KRT18: variants seen among roughly 807,000 people sequenced by gnomAD.
The protein encoded by KRT18 is keratin, type I cytoskeletal 18.
KRT18 carries 8 observed loss-of-function variants against 39.9 expected under a neutral mutation model. The ratio of observed to expected loss-of-function variants is 0.20; its 90% CI spans 0.12 to 0.36. KRT18 has a LOEUF of 0.36. Among genes scored for constraint, KRT18 ranks in the 10% least tolerant of loss-of-function variants. The pLI, the probability that KRT18 is intolerant of heterozygous loss-of-function variation, is 1.00. For missense variants in KRT18, 396 were observed against 565.7 expected, an observed-to-expected ratio of 0.70 and a Z score of 3.04; for synonymous variants, 194 against 227.8, an observed-to-expected ratio of 0.85 and a Z score of 1.33.
At position 52,950,318 on chromosome 12, in the gene KRT18, A is replaced by G. The variant is rs1695460751; in HGVS notation, c.418-10A>G. 1 of 1,585,268 alleles carries G rather than the reference A, an allele frequency of 6.3e-7. No individual in the cohort carries two copies. Among genetic ancestry groups the G allele is most frequent in the Non-Finnish European group, 8.7e-7 (1 of 1,154,406 alleles). On this transcript the variant is annotated splice_polypyrimidine_tract_variant and intron_variant, in intron 1 of 6. Coordinates refer to ENST00000388835, the MANE Select transcript of KRT18 (RefSeq NM_000224.3). ...ATTCATGGAACAACCTCTCTCTACAATCCCTCCAGATCTTCGCAAATACTG... is the reference window on the plus strand; with the variant it reads ...ATTCATGGAACAACCTCTCTCTACAGTCCCTCCAGATCTTCGCAAATACTG...
upstream of KRT18, chr12:52,949,022 C>G (rs1417446894): frequency 5.8e-6 from 4 of 694,490 alleles, no homozygotes; most frequent in African/African-American, 5.7e-5. Context: ...GCGCGGGCTC[C>G]GAGCCGTCCA....
rs983470021 is a variant in KRT18, at chr12:52,950,542, G to T, written c.500+132G>T. On this transcript the variant is annotated intron_variant, in intron 2 of 6. Coordinates refer to ENST00000388835, the MANE Select transcript of KRT18 (RefSeq NM_000224.3). The stretch of plus-strand genomic sequence containing the variant: ...GGTGGATGAGAGTCAGGGTCCATCA[G>T]TGTATTCATTTAACTGTTCATTTGT... 4.8e-6 allele frequency: 4 copies of T among 836,396 alleles called. No homozygotes were observed. The African/African-American group carries it at 6.7e-5, about 14-fold the overall frequency. The allele number at this position is 836,396 out of a possible 1,614,324, so 51.8% of individuals were successfully genotyped here. A position where few individuals can be genotyped will look rare whatever the true frequency, so the allele number is the denominator to read the frequency against.
At position 52,951,468 on chromosome 12, in the gene KRT18, C is replaced by T; in HGVS notation, c.658-13C>T. On this transcript the variant is annotated splice_polypyrimidine_tract_variant and intron_variant, in intron 3 of 6. Coordinates refer to ENST00000388835, the MANE Select transcript of KRT18 (RefSeq NM_000224.3). ...CCCTGAACCCTCCTCACTTTTGCCC[C>T]TGTCACCTTTAGGAAGTAAAAGGCC... 1 of 1,613,868 alleles carries T rather than the reference C, an allele frequency of 6.2e-7. No homozygotes were observed. The highest frequency in any genetic ancestry group is 8.5e-7 in the Non-Finnish European group (1 of 1,179,782).
rs1942460683 is a variant in KRT18 at position 52,950,394 on chromosome 12, G to T, written c.484G>T (p.Asp162Tyr). ...LQIDNARLAA[D>Y]DFRVKYETEL... ...GATTGACAATGCCCGTCTTGCTGCT[G>T]ATGACTTTAGAGTCAAGTAAGTTTG... The change falls in exon 2 of 7, where the codon GAT becomes TAT. Residue 162 changes from aspartate (D) to tyrosine (Y), a missense_variant. By Grantham distance (160) the Asp-to-Tyr change is radical. Coordinates refer to ENST00000388835, the MANE Select transcript of KRT18 (RefSeq NM_000224.3). The T allele has an allele frequency of 1.2e-6, 2 of 1,612,398 alleles. No individual in the cohort carries two copies. The highest frequency in any genetic ancestry group is 1.7e-6 in the Non-Finnish European group (2 of 1,178,552).
chr12:52,948,994 A>C (rs1942403836), upstream of KRT18: 1 of 507,716 alleles, frequency 2.0e-6, no homozygotes, highest in Non-Finnish European at 3.4e-6. Flanking sequence ...CCCGGGGCGG[A>C]GCGGCCCGGG....
intron 1 of KRT18, chr12:52,949,836 A>G: frequency 2.8e-6 from 2 of 703,328 alleles, no homozygotes; most frequent in Non-Finnish European, 2.6e-6. Flanking sequence ...GAGGAAGTGG[A>G]CAGCATGGAG....
chr12:52,949,000 C>T (rs1942404144), upstream of KRT18: 2 of 563,638 alleles, frequency 3.5e-6, no homozygotes, highest in Admixed American at 3.7e-5. Context: ...GCGGAGCGGC[C>T]CGGGGCGGAG....
chr12:52,951,409 C>G, intron 3 of KRT18, 72 bp from the exon 4 acceptor site: 1 of 1,452,864 alleles, frequency 6.9e-7, no homozygotes, highest in Middle Eastern at 1.7e-4. Context: ...CTAGAAGAGG[C>G]AATCACAGAA....
At chr12:52,951,023 C>A in intron 3 of KRT18, 117 bp downstream of exon 3, 1 of 962,768 alleles carries the variant, frequency 1.0e-6, no homozygotes, top group East Asian at 2.6e-5. Flanking sequence ...GAAATAGCAG[C>A]CTGGGCTCTT....
rs11551642 is a variant in KRT18 at position 52,951,584 on chromosome 12, C to T, written c.761C>T (p.Ala254Val). The T allele has an allele frequency of 1.2e-6, 2 of 1,614,098 alleles. No homozygotes were observed. The highest frequency in any genetic ancestry group is 1.7e-6 in the Non-Finnish European group (2 of 1,180,022). The change falls in exon 4 of 7, where the codon GCC becomes GTC. Residue 254 changes from alanine to valine, a missense_variant. Transcript: ENST00000388835. ...GCCAAGATCATGGCAGACATCCGGGCCCAATATGACGAGCTGGCTCGGAAG... is the reference window on the plus strand; with the variant it reads ...GCCAAGATCATGGCAGACATCCGGGTCCAATATGACGAGCTGGCTCGGAAG... ...DLAKIMADIRAQYDELARKNR... is the reference protein window; with the variant it reads ...DLAKIMADIRVQYDELARKNR...
intron 5 of KRT18, 123 bp from the exon 6 acceptor site, chr12:52,951,996 A>G (rs1942498811): frequency 7.6e-6 from 10 of 1,316,824 alleles, no homozygotes; most frequent in Non-Finnish European, 1.1e-5. Context: ...ATTTCCCTCC[A>G]CTCCTATCCC....
Position 52,952,817 on chromosome 12 carries a change from A to G in KRT18, c.1268A>G (p.Asn423Ser), listed in dbSNP as rs200552337. 78 of 1,610,532 alleles carry G rather than the reference A, an allele frequency of 4.8e-5. No homozygotes were observed. The highest frequency in any genetic ancestry group is 1.7e-4 in the Middle Eastern group (1 of 5,852). ...IVDGKVVSET[N>S]DTKVLRH ...GATGGCAAAGTGGTGTCTGAGACCA[A>G]TGACACCAAAGTTCTGAGGCATTAA... is the stretch of plus-strand genomic sequence containing the variant. The change falls in exon 7 of 7, where the codon AAT becomes AGT. Residue 423 changes from asparagine (N) to serine (S), a missense_variant. Physicochemically the swap from Asn to Ser is conservative, Grantham distance 46 (BLOSUM62 1). Coordinates refer to ENST00000388835, the MANE Select transcript of KRT18 (RefSeq NM_000224.3).
At chr12:52,950,440 C>A in intron 2 of KRT18, 30 bp downstream of exon 2, 2 of 1,517,218 alleles carry the variant, frequency 1.3e-6, no homozygotes, top group Non-Finnish European at 1.8e-6. Context: ...AGCTGGGGGT[C>A]CAGGGGTGGA....
At chr12:52,952,424 T>C in intron 6 of KRT18, 82 bp downstream of exon 6, 1 of 1,002,228 alleles carries the variant, frequency 1.0e-6, no homozygotes, top group Non-Finnish European at 1.5e-6. Flanking sequence ...AAGCACCCCA[T>C]GTGTCTGTTC....
rs373607975 is a variant in KRT18 at position 52,950,730 on chromosome 12, G to A, written c.501-20G>A. On this transcript the variant is annotated intron_variant, in intron 2 of 6. Coordinates refer to ENST00000388835, the MANE Select transcript of KRT18 (RefSeq NM_000224.3). ...CTGGATCAGAGATAGGGGCCCCTCTGATCACCTCCACTCCTATAGGTATGA... is the reference window on the plus strand; with the variant it reads ...CTGGATCAGAGATAGGGGCCCCTCTAATCACCTCCACTCCTATAGGTATGA... 4 of 1,606,456 alleles carry A rather than the reference G, an allele frequency of 2.5e-6. No homozygotes were observed. The highest frequency in any genetic ancestry group is 3.4e-6 in the Non-Finnish European group (4 of 1,177,190).
At chr12:52,950,143 T>C in intron 1 of KRT18, 185 bp from the exon 2 acceptor site, 3 of 714,612 alleles carry the variant, frequency 4.2e-6, no homozygotes, top group Admixed American at 3.6e-5. Flanking sequence ...TGCTGGGATC[T>C]GGGAATCCAG....
chr12:52,949,482 C>G lies in KRT18; in HGVS notation c.309C>G (p.Thr103=), dbSNP rs373362435. 49 of 1,576,572 alleles carry G rather than the reference C, an allele frequency of 3.1e-5. No homozygotes were observed. The highest frequency in any genetic ancestry group is 3.7e-5 in the Non-Finnish European group (43 of 1,156,230). The change falls in exon 1 of 7, where the codon ACC becomes ACG. Residue 103 remains threonine, a synonymous_variant. Transcript: ENST00000388835. Reference sequence around the variant, plus strand: ...TGGACAGAGTGAGGAGCCTGGAGACCGAGAACCGGAGGCTGGAGAGCAAAA... The same window carrying G: ...TGGACAGAGTGAGGAGCCTGGAGACGGAGAACCGGAGGCTGGAGAGCAAAA... ...SYLDRVRSLE[T]ENRRLESKIR... is the part of the protein sequence containing the mutation.
In KRT18 at chr12:52,952,832, T is replaced by C. The variant is rs763169289; in HGVS notation, c.1283T>C (p.Leu428Pro). The change falls in exon 7 of 7, where the codon CTG becomes CCG. Residue 428 changes from leucine to proline, a missense_variant. Transcript: ENST00000388835. ...TCTGAGACCAATGACACCAAAGTTCTGAGGCATTAAGCCAGCAGAAGCAGG... is the reference window on the plus strand; with the variant it reads ...TCTGAGACCAATGACACCAAAGTTCCGAGGCATTAAGCCAGCAGAAGCAGG... ...VVSETNDTKV[L>P]RH 6.2e-7 allele frequency: 1 copy of C among 1,609,298 alleles called. No homozygotes were observed. Among genetic ancestry groups the C allele is most frequent in the South Asian group, 1.1e-5 (1 of 91,062 alleles).
rs1386059107 is a variant in KRT18, at chr12:52,952,115, G to A, written c.949-4G>A. The A allele has an allele frequency of 1.9e-6, 3 of 1,555,452 alleles. No homozygotes were observed. The highest frequency in any genetic ancestry group is 2.6e-6 in the Non-Finnish European group (3 of 1,148,120). On this transcript the variant is annotated splice_polypyrimidine_tract_variant and splice_region_variant and intron_variant, in intron 5 of 6. Transcript: ENST00000388835. ...CCCTGCCCCTCCTCTCTGTGCCCCT[G>A]CAGAAGGCCAGCTTGGAGAACAGCC...
Sources: gnomAD v4.1 joint callset for allele counts on GRCh38, gnomAD v4.1.1 for gene constraint, MANE v1.5 for transcripts, NCBI Gene and HGNC (gene_info 2026-07-23, HGNC 2026-07-21) for gene names.